Variants in NEMF observed in about 807,000 individuals in gnomAD.
NEMF encodes ribosome quality control complex subunit NEMF.
A neutral mutation model predicts 162.2 loss-of-function variants in NEMF; 89 were observed. The observed-to-expected ratio is 0.55, with a 90% CI of 0.46 to 0.65. The LOEUF (loss-of-function observed/expected upper bound fraction) is 0.65. Among genes scored for constraint, NEMF ranks in the 30% least tolerant of loss-of-function variants. The probability of loss-of-function intolerance (pLI) is 0.00; values close to 1 mark genes in which losing one functional copy is unlikely to be tolerated. For synonymous variants in NEMF, 421 were observed against 404.5 expected, an observed-to-expected ratio of 1.04 and a Z score of -0.49; for missense variants, 1,133 against 1,261.9, an observed-to-expected ratio of 0.90 and a Z score of 1.55.
At position 49,829,392 on chromosome 14, in the gene NEMF, C is replaced by A. The variant is rs748423148; in HGVS notation, c.980G>T (p.Arg327Leu). Reference sequence around the variant, plus strand: ...TTCCAATCTGTTTTCGTGATCCTTTCGAACATTATCTAATTTCTTCAATGC... The same window carrying A: ...TTCCAATCTGTTTTCGTGATCCTTTAGAACATTATCTAATTTCTTCAATGC... ...KQALKKLDNV[R>L]KDHENRLEAL... is the part of the protein sequence containing the mutation. The change falls in exon 12 of 33, where the codon CGA becomes CTA. Residue 327 changes from arginine (R) to leucine (L), a missense_variant. This residue lies in a region of NEMF where 582 missense variants were observed against 631.5 expected (regional missense o/e 0.92). Coordinates refer to ENST00000298310, the MANE Select transcript of NEMF (RefSeq NM_004713.6). 2 of 1,613,926 alleles carry A rather than the reference C, an allele frequency of 1.2e-6. No homozygotes were observed. The highest frequency in any genetic ancestry group is 8.5e-7 in the Non-Finnish European group (1 of 1,180,010).
intron 4 of NEMF, among the ~76,000 whole-genome samples, chr14:49,843,283 CA>C (rs1893307356): frequency 6.6e-6 from 1 of 152,028 alleles, no homozygotes. Flanking sequence ...TTGCTTGAGC[CA>C]GGGGTCCAAG....
rs144565902 is a variant in NEMF at position 49,813,912 on chromosome 14, A to C, written c.1744+76T>G. Reference sequence around the variant, plus strand: ...AGCCACCACATCTGGCCCTCTATTAAATTTTTGTCTTACAGTCACACTAAA... The same window carrying C: ...AGCCACCACATCTGGCCCTCTATTACATTTTTGTCTTACAGTCACACTAAA... On this transcript the variant is annotated intron_variant, in intron 18 of 32. Transcript: ENST00000298310. 9.5e-4 allele frequency: 831 copies of C among 870,896 alleles called. 7 individuals are homozygous for C. In the East Asian group the frequency reaches 0.019, roughly 20 times the overall value. 53.9% of individuals were successfully genotyped at this position (870,896 alleles called of 1,614,324 possible).
chr14:49,829,345 A>G lies in NEMF; in HGVS notation c.1023+4T>C. 6.2e-7 allele frequency: 1 copy of G among 1,614,068 alleles called. No homozygotes were observed. Among genetic ancestry groups the G allele is most frequent in the Non-Finnish European group, 8.5e-7 (1 of 1,179,918 alleles). On this transcript the variant is annotated splice_donor_region_variant and intron_variant, in intron 12 of 32. Transcript: ENST00000298310. The stretch of plus-strand genomic sequence containing the variant: ...AAAAGCACTGAGAAAGCCAAACATA[A>G]TACCTGAGCCTGCTGAAGAGCTTCC...
chr14:49,852,659 C>G (rs759454934), intron 1 of NEMF, 36 bp downstream of exon 1: 7 of 1,611,080 alleles, frequency 4.3e-6, no homozygotes, highest in Non-Finnish European at 5.9e-6. Context: ...GCCTCCTGCA[C>G]TCCCCACACG....
In NEMF at chr14:49,851,826, A is replaced by T; in HGVS notation, c.109T>A (p.Tyr37Asn). ...NNVYDVDNKT[Y>N]LIRLQKPDFK... is the part of the protein sequence containing the mutation. The stretch of plus-strand genomic sequence containing the variant: ...TCTTACTTTTGAAGACGAATAAGGT[A>T]TGTCTTATTATCCACATCATAAACA... Residue 37 changes from tyrosine to asparagine, a missense_variant, in exon 2 of 33, where the codon TAC becomes AAC. By Grantham distance (143) the Tyr-to-Asn change is moderately radical. Around this residue, in one of 3 missense-constraint regions of NEMF, gnomAD observed 582 missense variants for 631.5 expected, o/e 0.92. Transcript: ENST00000298310. 2 of 1,578,772 alleles carry T rather than the reference A, an allele frequency of 1.3e-6. No homozygotes were observed. Among genetic ancestry groups the T allele is most frequent in the Non-Finnish European group, 1.7e-6 (2 of 1,156,136 alleles).
At chr14:49,815,053 A>T (rs1286100299) in intron 16 of NEMF, among the ~76,000 whole-genome samples, 196 bp from the exon 17 acceptor site, 1 of 152,186 alleles carries the variant, frequency 6.6e-6, no homozygotes, top group Non-Finnish European at 1.5e-5. Context: ...CTTAGAAAAA[A>T]GAAATTAAAT....
chr14:49,802,443 T>C lies in NEMF; in HGVS notation c.2095+10A>G, dbSNP rs1437625462. 6.2e-7 allele frequency: 1 copy of C among 1,610,660 alleles called. No homozygotes were observed. The highest frequency in any genetic ancestry group is 1.3e-5 in the African/African-American group (1 of 74,760). On this transcript the variant is annotated intron_variant, in intron 22 of 32. Transcript: ENST00000298310. ...CATCACAAGCTAATTTCTTAAAATC[T>C]ATAAACTACCTAATTGTTCCATTTC...
chr14:49,785,176 A>C, intron 30 of NEMF, 41 bp from the exon 31 acceptor site: 2 of 1,602,966 alleles, frequency 1.2e-6, no homozygotes, highest in Middle Eastern at 1.7e-4. Context: ...TAGACGTTAC[A>C]AAACAATTCA....
In NEMF at chr14:49,789,359, G is replaced by A. The variant is rs1201519215; in HGVS notation, c.2698-16C>T. On this transcript the variant is annotated splice_polypyrimidine_tract_variant and intron_variant, in intron 27 of 32. Transcript: ENST00000298310. The stretch of plus-strand genomic sequence containing the variant: ...AACCTGCAGACTTTAATTCATAGAG[G>A]AAACATCAGTCAGTGTTGTATTTTC... The A allele has an allele frequency of 6.2e-7, 1 of 1,613,298 alleles. No homozygotes were observed. The highest frequency in any genetic ancestry group is 1.7e-5 in the Admixed American group (1 of 59,948).
intron 16 of NEMF, among the ~76,000 whole-genome samples, chr14:49,816,485 T>C (rs1170942494): frequency 1.3e-5 from 2 of 152,206 alleles, no homozygotes; most frequent in African/African-American, 4.8e-5. Flanking sequence ...TCCCTCCCCT[T>C]TTGAAATCCT....
chr14:49,809,003 T>C (rs1221584977), intron 18 of NEMF, among the ~76,000 whole-genome samples: 1 of 152,150 alleles, frequency 6.6e-6, no homozygotes, highest in African/African-American at 2.4e-5. Flanking sequence ...TCAATGATAA[T>C]GGCCAAAATC....
chr14:49,782,209 C>A lies in NEMF; in HGVS notation c.*2427G>T, dbSNP rs1409253381. The A allele has an allele frequency of 9.2e-6, 5 of 542,018 alleles. No homozygotes were observed. Among genetic ancestry groups the A allele is most frequent in the Non-Finnish European group, 1.7e-5 (5 of 302,878 alleles). The allele number at this position is 542,018 out of a possible 1,614,324, so 33.6% of individuals were successfully genotyped here. ...CCAGATAAAATAGATATTGATTGAT[C>A]TGCTTTTGCTACTTTCCCTTAAGAT... On this transcript the variant is annotated 3_prime_UTR_variant, in exon 33 of 33. Coordinates refer to ENST00000298310, the MANE Select transcript of NEMF (RefSeq NM_004713.6).
chr14:49,828,206 C>A (rs2139962278), intron 15 of NEMF, 85 bp downstream of exon 15: 1 of 946,912 alleles, frequency 1.1e-6, no homozygotes, highest in Non-Finnish European at 1.7e-6. Context: ...AATTAGAAAA[C>A]CTCATTTAAA....
rs1177386367 is a variant in NEMF, at chr14:49,784,911, AAGG to A, written c.3153+11_3153+13del. 5 of 1,607,158 alleles carry A rather than the reference AAGG, an allele frequency of 3.1e-6. No individual in the cohort carries two copies. Among genetic ancestry groups the A allele is most frequent in the African/African-American group, 1.3e-5 (1 of 74,732 alleles). ...TGTCAGTCTCCACATTCCTTTTCTGAAGGAGAACTTTACCTTTACGCTGCGGAA... is the reference window on the plus strand; with the variant it reads ...TGTCAGTCTCCACATTCCTTTTCTGAAGAACTTTACCTTTACGCTGCGGAA... On this transcript the variant is annotated intron_variant, in intron 32 of 32. Coordinates refer to ENST00000298310, the MANE Select transcript of NEMF (RefSeq NM_004713.6).
At chr14:49,820,765 G>A (rs1566680768) in intron 16 of NEMF, among the ~76,000 whole-genome samples, 1 of 152,088 alleles carries the variant, frequency 6.6e-6, no homozygotes, top group Non-Finnish European at 1.5e-5. Flanking sequence ...TTGCAGGTGC[G>A]TGCCGCCACG....
chr14:49,813,964 T>G, intron 18 of NEMF, 24 bp downstream of exon 18: 2 of 1,316,092 alleles, frequency 1.5e-6, no homozygotes, highest in Non-Finnish European at 2.2e-6. Context: ...GAACAGGAAT[T>G]CTGAATAGAA....
At position 49,838,224 on chromosome 14, in the gene NEMF, C is replaced by T. The variant is rs750254355; in HGVS notation, c.507-18G>A. ...CAGTCAACCTGTGAAACAAAACGGA[C>T]ATGCCTCTATCATATCTTAAATAAA... On this transcript the variant is annotated intron_variant, in intron 5 of 32. Coordinates refer to ENST00000298310, the MANE Select transcript of NEMF (RefSeq NM_004713.6). 1 of 1,611,092 alleles carries T rather than the reference C, an allele frequency of 6.2e-7. No individual in the cohort carries two copies. Among genetic ancestry groups the T allele is most frequent in the Admixed American group, 1.7e-5 (1 of 59,996 alleles).
chr14:49,832,895 C>T (rs923601774), intron 8 of NEMF, among the ~76,000 whole-genome samples: 2 of 152,002 alleles, frequency 1.3e-5, no homozygotes, highest in Admixed American at 6.6e-5. Flanking sequence ...TCTGAAGAGC[C>T]GATACTAACC....
Position 49,784,480 on chromosome 14 carries a change from GA to G in NEMF, c.*155del, listed in dbSNP as rs1050626491. 2.6e-5 allele frequency: 15 copies of G among 582,056 alleles called. No individual in the cohort carries two copies. The highest frequency in any genetic ancestry group is 4.2e-5 in the Non-Finnish European group (14 of 331,912). 36.1% of individuals were successfully genotyped at this position (582,056 alleles called of 1,614,324 possible). A position where few individuals can be genotyped will look rare whatever the true frequency, so the allele number is the denominator to read the frequency against. On this transcript the variant is annotated 3_prime_UTR_variant, in exon 33 of 33. Transcript: ENST00000298310. ...CAGTGTTTCCTCTATATAAAACTGG[GA>G]AAAAACAAGAAGTAAGTCCTTTTGG...
Sources: allele counts gnomAD v4.1 joint callset (sites outside exome capture counted in the v4.1 genomes callset), GRCh38; gene constraint gnomAD v4.1.1; regional missense constraint gnomAD v4.1.1; transcripts MANE v1.5; gene names NCBI Gene and HGNC (gene_info 2026-07-23, HGNC 2026-07-21).